RPH3A: variants seen among roughly 807,000 people sequenced by gnomAD.
The protein encoded by RPH3A is rabphilin-3A.
A neutral mutation model predicts 102.2 loss-of-function variants in RPH3A; 48 were observed. The ratio of observed to expected loss-of-function variants is 0.47; its 90% CI spans 0.37 to 0.60. RPH3A has a LOEUF of 0.60. Among genes scored for constraint, RPH3A ranks in the 20% least tolerant of loss-of-function variants. RPH3A has a pLI of 0.00. For missense variants in RPH3A, 781 were observed against 910.1 expected, an observed-to-expected ratio of 0.86 and a Z score of 1.83; for synonymous variants, 310 against 324.3, an observed-to-expected ratio of 0.96 and a Z score of 0.47.
At position 112,864,469 on chromosome 12, in the gene RPH3A, T is replaced by A. The variant is rs1157533111; in HGVS notation, c.231-945T>A. 4.4e-3 allele frequency among the ~76,000 whole-genome samples: 519 copies of A among 118,626 alleles called. 4 individuals are homozygous for A. The highest frequency in any genetic ancestry group is 0.014 in the African/African-American group (447 of 31,568). 77.8% of individuals were successfully genotyped at this position (118,626 alleles called of 152,430 possible). On this transcript the variant is annotated intron_variant, in intron 5 of 21. Coordinates refer to ENST00000389385, the MANE Select transcript of RPH3A (RefSeq NM_001143854.2). Reference sequence around the variant, plus strand: ...CTGTCAAAAAAAAAAAAAAAAAAAATGGATACTATAGGCAGGGAAAATATA... The same window carrying A: ...CTGTCAAAAAAAAAAAAAAAAAAAAAGGATACTATAGGCAGGGAAAATATA...
chr12:112,833,231 G>A (rs2041997286), intron 3 of RPH3A, among the ~76,000 whole-genome samples: 1 of 152,138 alleles, frequency 6.6e-6, no homozygotes, highest in African/African-American at 2.4e-5. Flanking sequence ...CCTGTAAGGT[G>A]GAAATACTAT....
chr12:112,666,980 G>A (rs16942146), intron 1 of RPH3A, among the ~76,000 whole-genome samples: 6,238 of 152,130 alleles, frequency 0.041, 226 homozygotes, highest in Admixed American at 0.11. Flanking sequence ...TGGCTTCCAA[G>A]GCTCTTAAAA....
intron 1 of RPH3A, among the ~76,000 whole-genome samples, chr12:112,665,716 C>T (rs1230851199): frequency 3.3e-5 from 5 of 152,152 alleles, no homozygotes; most frequent in African/African-American, 1.2e-4. Flanking sequence ...TTTCTTTTAT[C>T]CTTTCTTCCC....
At chr12:112,873,434 C>T (rs2042740423) in intron 10 of RPH3A, among the ~76,000 whole-genome samples, 2 of 152,230 alleles carry the variant, frequency 1.3e-5, no homozygotes, top group Admixed American at 1.3e-4. Flanking sequence ...AAAACAAATT[C>T]CCAGTAAAAC....
At chr12:112,724,923 T>C (rs1428233363) in intron 1 of RPH3A, among the ~76,000 whole-genome samples, 7 of 141,636 alleles carry the variant, frequency 4.9e-5, no homozygotes, top group South Asian at 2.3e-4. Flanking sequence ...GAGCCAAGAT[T>C]GTGCCACCGC....
chr12:112,634,835 G>C (rs1814700203), intron 1 of RPH3A, among the ~76,000 whole-genome samples: 1 of 152,280 alleles, frequency 6.6e-6, no homozygotes, highest in South Asian at 2.1e-4. Flanking sequence ...TCTAACACTT[G>C]CTCCAATCCC....
chr12:112,668,344 T>G (rs2040102093), intron 1 of RPH3A, among the ~76,000 whole-genome samples: 1 of 152,210 alleles, frequency 6.6e-6, no homozygotes, highest in East Asian at 1.9e-4. Context: ...AGTGATGCTT[T>G]GGGAAAAGTC....
intron 2 of RPH3A, among the ~76,000 whole-genome samples, chr12:112,793,647 G>T (rs1287694900): frequency 6.6e-6 from 1 of 152,236 alleles, no homozygotes; most frequent in Non-Finnish European, 1.5e-5. Context: ...GGAGGAAGTT[G>T]CCTTAGATTC....
At chr12:112,889,909 A>G (rs2043063140) in intron 17 of RPH3A, 115 bp from the exon 18 acceptor site, 2 of 922,966 alleles carry the variant, frequency 2.2e-6, no homozygotes, top group East Asian at 2.4e-5. Context: ...TAGCTTAAGA[A>G]CCCACTTTCA....
chr12:112,743,990 T>G (rs1397336814), intron 1 of RPH3A, among the ~76,000 whole-genome samples: 1 of 152,176 alleles, frequency 6.6e-6, no homozygotes, highest in Non-Finnish European at 1.5e-5. Flanking sequence ...GCCTGGCACA[T>G]AGTAGGCGTT....
chr12:112,828,727 A>G (rs563981940), intron 3 of RPH3A, among the ~76,000 whole-genome samples: 38 of 152,238 alleles, frequency 2.5e-4, no homozygotes, highest in Non-Finnish European at 5.0e-4. Flanking sequence ...TCGGGGCCCT[A>G]GTTACCTCAT....
Position 112,809,050 on chromosome 12 carries a change from G to A in RPH3A, c.-19+16787G>A, listed in dbSNP as rs141242509. Among the ~76,000 whole-genome samples, 129 of 152,204 alleles carry A rather than the reference G, an allele frequency of 8.5e-4. 1 individual carries two copies. The highest frequency in any genetic ancestry group is 2.8e-3 in the African/African-American group (115 of 41,528). ...ACCCTGCCTCCAAGGTGATCCTAGC[G>A]CAGAACTAGGATGTGACTGTTCACC... On this transcript the variant is annotated intron_variant, in intron 2 of 21. Coordinates refer to ENST00000389385, the MANE Select transcript of RPH3A (RefSeq NM_001143854.2).
intron 1 of RPH3A, chr12:112,650,733 T>A (rs1276551222): frequency 7.4e-6 from 1 of 134,916 alleles, no homozygotes; most frequent in Non-Finnish European, 1.6e-5. Context: ...TGTTTACACA[T>A]TTTTTTTTTT....
chr12:112,872,308 T>C (rs2042722937), intron 10 of RPH3A, among the ~76,000 whole-genome samples: 1 of 152,222 alleles, frequency 6.6e-6, no homozygotes, highest in Admixed American at 6.5e-5. Flanking sequence ...TTAGTGATAC[T>C]GAGCATCTTT....
intron 2 of RPH3A, among the ~76,000 whole-genome samples, chr12:112,805,609 C>T (rs1326016921): frequency 6.6e-6 from 1 of 152,166 alleles, no homozygotes; most frequent in Non-Finnish European, 1.5e-5. Flanking sequence ...TCCCATCACT[C>T]TTGATTGTTT....
At chr12:112,703,921 C>A (rs1043867776) in intron 1 of RPH3A, among the ~76,000 whole-genome samples, 1 of 152,060 alleles carries the variant, frequency 6.6e-6, no homozygotes, top group African/African-American at 2.4e-5. Flanking sequence ...GGGCAATGAA[C>A]CTATTACAAT....
chr12:112,633,369 C>G (rs1484333063), intron 1 of RPH3A, among the ~76,000 whole-genome samples: 1 of 152,148 alleles, frequency 6.6e-6, no homozygotes, highest in Non-Finnish European at 1.5e-5. Context: ...GTGGCAGTAT[C>G]AAGAGGTGGG....
At chr12:112,640,711 C>T (rs899099803) in intron 1 of RPH3A, among the ~76,000 whole-genome samples, 2 of 151,954 alleles carry the variant, frequency 1.3e-5, no homozygotes, top group Non-Finnish European at 2.9e-5. Context: ...AATTTAATAC[C>T]CTTTGCAAAT....
At chr12:112,883,554 A>G (rs2042959701) in intron 16 of RPH3A, 152 bp downstream of exon 16, 2 of 619,364 alleles carry the variant, frequency 3.2e-6, no homozygotes, top group Non-Finnish European at 5.7e-6. Flanking sequence ...CCAAAAAATG[A>G]TATATATATT....
Sources: gnomAD v4.1 joint callset for allele counts (sites outside exome capture counted in the v4.1 genomes callset) on GRCh38, gnomAD v4.1.1 for gene constraint, MANE v1.5 for transcripts, NCBI Gene and HGNC (gene_info 2026-07-23, HGNC 2026-07-21) for gene names.